PLAC1: variants seen among roughly 807,000 people sequenced by gnomAD.
PLAC1 encodes placenta associated 1, also known as placenta-specific protein 1.
For synonymous variants in PLAC1, 68 were observed against 62.1 expected, an observed-to-expected ratio of 1.09 and a Z score of -0.44; for missense variants, 136 against 163.2, an observed-to-expected ratio of 0.83 and a Z score of 0.91.
At chrX:134,586,674 T>TC (rs1216450222) in intron 2 of PLAC1, among the ~76,000 whole-genome samples, 4 of 98,978 alleles carry the variant, frequency 4.0e-5, no homozygotes, top group African/African-American at 7.3e-5. Flanking sequence ...TCTTTTCTTT[T>TC]TTTTTTTTTT....
chrX:134,585,951 T>C (rs957869540), intron 2 of PLAC1, among the ~76,000 whole-genome samples: 1 of 112,194 alleles, frequency 8.9e-6, no homozygotes. Flanking sequence ...AAGGTGCCCA[T>C]TGCCATGTGC....
chrX:134,633,901 A>G (rs1415094868), intron 1 of PLAC1, among the ~76,000 whole-genome samples: 1 of 111,731 alleles, frequency 9.0e-6, no homozygotes, highest in Non-Finnish European at 1.9e-5. Flanking sequence ...TGATTTGGGC[A>G]AGGCAGGGGA....
At chrX:134,718,487 A>G (rs1336696627) in intron 2 of PLAC1, among the ~76,000 whole-genome samples, 3 of 112,274 alleles carry the variant, frequency 2.7e-5, no homozygotes, top group Non-Finnish European at 5.6e-5. Flanking sequence ...GACATTCCTC[A>G]CGTTCAGGGA....
At chrX:134,740,625 G>A (rs5975476) in intron 1 of PLAC1, among the ~76,000 whole-genome samples, 3,822 of 111,836 alleles carry the variant, frequency 0.034, 155 homozygotes, top group African/African-American at 0.12. Flanking sequence ...GGCCTTCTTT[G>A]GGAAAGGGGC....
chrX:134,567,761 C>CAA (rs397948329), intron 2 of PLAC1, among the ~76,000 whole-genome samples: 83 of 29,157 alleles, frequency 2.8e-3, no homozygotes, highest in African/African-American at 7.3e-3. Context: ...GACTCTGTCT[C>CAA]AAAAAAAAAA....
chrX:134,705,416 C>CAAA (rs756637363), intron 2 of PLAC1, among the ~76,000 whole-genome samples: 6 of 28,961 alleles, frequency 2.1e-4, no homozygotes, highest in East Asian at 1.1e-3. Context: ...GACTCCGTCT[C>CAAA]AAAAAAAAAA....
chrX:134,694,306 G>A lies in PLAC1; in HGVS notation n.174+39129C>T, dbSNP rs2078554878. Among the ~76,000 whole-genome samples, 5 of 111,817 alleles carry A rather than the reference G, an allele frequency of 4.5e-5. No individual in the cohort carries two copies. In the Admixed American group the frequency reaches 4.7e-4, roughly 11 times the overall value. ...TTTTCAGCAAGTTTAAGGTTCCTAA[G>A]ATACCCTCCAAGCTCCCTAGAAGAT... On this transcript the variant is annotated intron_variant and non_coding_transcript_variant, in intron 2 of 2. Coordinates refer to the PLAC1 transcript ENST00000466797.
At chrX:134,649,007 G>A (rs952956246) in intron 1 of PLAC1, among the ~76,000 whole-genome samples, 9 of 111,708 alleles carry the variant, frequency 8.1e-5, no homozygotes, top group Admixed American at 1.9e-4. Context: ...AGTGGCTCAC[G>A]TCTGTAATCC....
At chrX:134,741,767 G>C (rs2147847765) in intron 1 of PLAC1, among the ~76,000 whole-genome samples, 1 of 108,831 alleles carries the variant, frequency 9.2e-6, no homozygotes, top group Non-Finnish European at 1.9e-5. Flanking sequence ...GGAGGTTTCA[G>C]ATTTTTCCAA....
intron 1 of PLAC1, among the ~76,000 whole-genome samples, chrX:134,759,829 T>G (rs1036399751): frequency 1.8e-5 from 2 of 111,970 alleles, no homozygotes; most frequent in African/African-American, 6.5e-5. Flanking sequence ...AAGACAAATA[T>G]TGAATGTTCT....
intron 2 of PLAC1, among the ~76,000 whole-genome samples, chrX:134,703,992 G>A (rs966578225): frequency 3.9e-5 from 4 of 102,903 alleles, no homozygotes; most frequent in East Asian, 6.4e-4. Flanking sequence ...ATACACCCAC[G>A]GACTGCACAA....
At chrX:134,721,008 G>A (rs746754935) in intron 2 of PLAC1, among the ~76,000 whole-genome samples, 1 of 112,543 alleles carries the variant, frequency 8.9e-6, no homozygotes, top group East Asian at 2.8e-4. Context: ...AAGTGAAAAG[G>A]CAACATGCAG....
chrX:134,623,527 A>G (rs979219951), intron 1 of PLAC1, among the ~76,000 whole-genome samples: 1 of 112,574 alleles, frequency 8.9e-6, no homozygotes, highest in African/African-American at 3.2e-5. Context: ...CGTATTTTAC[A>G]GATTAGGAAC....
intron 2 of PLAC1, among the ~76,000 whole-genome samples, chrX:134,600,038 T>G: frequency 9.1e-6 from 1 of 109,949 alleles, no homozygotes; most frequent in Middle Eastern, 4.7e-3. Context: ...GCTCAGAGCA[T>G]TATTATTATT....
chrX:134,759,460 T>C (rs770646493), intron 1 of PLAC1, among the ~76,000 whole-genome samples: 1 of 112,015 alleles, frequency 8.9e-6, no homozygotes, highest in South Asian at 3.8e-4. Context: ...GGAACTCTTA[T>C]ACATTGGTGG....
intron 2 of PLAC1, among the ~76,000 whole-genome samples, chrX:134,569,966 C>T (rs2077898919): frequency 1.8e-5 from 2 of 110,595 alleles, no homozygotes; most frequent in African/African-American, 6.6e-5. Context: ...GCTGGGACTA[C>T]AGGCAGGCAC....
chrX:134,572,474 G>A (rs2077913587), intron 2 of PLAC1, among the ~76,000 whole-genome samples: 1 of 111,950 alleles, frequency 8.9e-6, no homozygotes, highest in Non-Finnish European at 1.9e-5. Context: ...ACCTCATGAA[G>A]CACAGTGTTA....
intron 2 of PLAC1, among the ~76,000 whole-genome samples, chrX:134,675,570 C>G (rs1356190670): frequency 9.1e-6 from 1 of 110,425 alleles, no homozygotes; most frequent in Non-Finnish European, 1.9e-5. Context: ...GAGGCTAAGG[C>G]AGGAGAATCG....
chrX:134,676,846 A>C (rs1196317448), intron 2 of PLAC1, among the ~76,000 whole-genome samples: 1 of 111,633 alleles, frequency 9.0e-6, no homozygotes, highest in Admixed American at 9.5e-5. Flanking sequence ...AAGAGGACAT[A>C]CTGACTGGGT....
Sources: gnomAD v4.1 joint callset for allele counts (sites outside exome capture counted in the v4.1 genomes callset) on GRCh38, gnomAD v4.1.1 for gene constraint, MANE v1.5 for transcripts, NCBI Gene and HGNC (gene_info 2026-07-23, HGNC 2026-07-21) for gene names.